Variants in SLC39A10 observed in about 807,000 individuals in gnomAD.
SLC39A10 encodes solute carrier family 39 member 10, also known as zinc transporter ZIP10.
SLC39A10 carries 13 observed loss-of-function variants against 65.1 expected under a neutral mutation model. That is an observed-to-expected ratio of 0.20 (90% CI 0.13 to 0.32). The LOEUF is 0.32. SLC39A10 is among the 10% of genes least tolerant of loss of function. The pLI is 1.00. For synonymous variants in SLC39A10, 321 were observed against 342.2 expected, an observed-to-expected ratio of 0.94 and a Z score of 0.68; for missense variants, 831 against 1,018.4, an observed-to-expected ratio of 0.82 and a Z score of 2.50.
chr2:195,638,842 C>T (rs535472246), intron 2 of SLC39A10, among the ~76,000 whole-genome samples: 209 of 152,056 alleles, frequency 1.4e-3, no homozygotes, highest in African/African-American at 4.5e-3. Context: ...GTCATTTTTC[C>T]ATCCTAGAAT....
intron 2 of SLC39A10, among the ~76,000 whole-genome samples, chr2:195,636,575 C>A (rs902555010): frequency 6.6e-6 from 1 of 151,688 alleles, no homozygotes; most frequent in Admixed American, 6.6e-5. Flanking sequence ...CACGGTGAAA[C>A]CCAGTCTCTA....
chr2:195,664,326 T>C (rs1689546404), intron 1 of SLC39A10, among the ~76,000 whole-genome samples: 1 of 152,070 alleles, frequency 6.6e-6, no homozygotes, highest in South Asian at 2.1e-4. Context: ...TGTTAGGGGT[T>C]TTAGTTTTTT....
At chr2:195,710,724 G>A (rs1691575826) in intron 5 of SLC39A10, among the ~76,000 whole-genome samples, 1 of 152,230 alleles carries the variant, frequency 6.6e-6, no homozygotes, top group African/African-American at 2.4e-5. Flanking sequence ...CTCCAAAGGA[G>A]AGGTGATTAA....
At chr2:195,726,274 TTA>T (rs1420904318) in intron 8 of SLC39A10, among the ~76,000 whole-genome samples, 4 of 152,174 alleles carry the variant, frequency 2.6e-5, no homozygotes, top group Non-Finnish European at 5.9e-5. Flanking sequence ...CATTATTAAA[TTA>T]TAAAAGGAAG....
chr2:195,705,523 C>T (rs1310051726), intron 3 of SLC39A10, among the ~76,000 whole-genome samples: 1 of 152,072 alleles, frequency 6.6e-6, no homozygotes, highest in African/African-American at 2.4e-5. Flanking sequence ...GTATCATCTC[C>T]CTATCTTTAC....
At chr2:195,733,861 C>G (rs1215381060) in intron 9 of SLC39A10, among the ~76,000 whole-genome samples, 1 of 152,030 alleles carries the variant, frequency 6.6e-6, no homozygotes, top group Non-Finnish European at 1.5e-5. Flanking sequence ...ACTGTGCCTT[C>G]AAAGATGTGA....
At chr2:195,641,459 G>T (rs1688810162) in intron 2 of SLC39A10, among the ~76,000 whole-genome samples, 1 of 151,992 alleles carries the variant, frequency 6.6e-6, no homozygotes, top group Admixed American at 6.6e-5. Flanking sequence ...AGTAAAATGA[G>T]TCAACAGAAA....
chr2:195,627,925 A>T (rs1688507250), intron 2 of SLC39A10, among the ~76,000 whole-genome samples: 1 of 152,216 alleles, frequency 6.6e-6, no homozygotes, highest in Non-Finnish European at 1.5e-5. Context: ...CTCTTTAAAG[A>T]GACATTAAAA....
At position 195,639,737 on chromosome 2, in the gene SLC39A10, C is replaced by T. The variant is rs117327403; in HGVS notation, c.-12+33504C>T. Reference sequence around the variant, plus strand: ...GATTACAGGCGAGTGCCACCACACCCGGCTAATTTTTGCATTTTTAATACA... The same window carrying T: ...GATTACAGGCGAGTGCCACCACACCTGGCTAATTTTTGCATTTTTAATACA... On this transcript the variant is annotated intron_variant, in intron 2 of 2. Coordinates refer to the SLC39A10 transcript ENST00000458054. Among the ~76,000 whole-genome samples, 2,858 of 152,196 alleles carry T rather than the reference C, an allele frequency of 0.019. 232 individuals carry two copies. In the East Asian group the frequency reaches 0.25, roughly 13 times the overall value.
intron 2 of SLC39A10, among the ~76,000 whole-genome samples, chr2:195,618,031 G>T (rs1039285187): frequency 1.4e-5 from 2 of 144,712 alleles, no homozygotes; most frequent in Non-Finnish European, 3.0e-5. Context: ...GAGCCACCTC[G>T]CCCGGCCTTG....
intron 6 of SLC39A10, among the ~76,000 whole-genome samples, chr2:195,714,608 CT>C (rs1177155691): frequency 6.6e-6 from 1 of 152,102 alleles, no homozygotes; most frequent in African/African-American, 2.4e-5. Flanking sequence ...GGAAAAATCC[CT>C]CTTGAAGGAT....
intron 2 of SLC39A10, among the ~76,000 whole-genome samples, chr2:195,625,222 A>AGAAAG (rs1553491764): frequency 2.7e-5 from 3 of 112,252 alleles, no homozygotes; most frequent in East Asian, 6.0e-4. Context: ...GTCTCAAAAA[A>AGAAAG]AAAGAAAGAA....
intron 1 of SLC39A10, among the ~76,000 whole-genome samples, chr2:195,673,508 A>G (rs1036392906): frequency 1.3e-5 from 2 of 152,204 alleles, no homozygotes; most frequent in East Asian, 1.9e-4. Context: ...ATTTGTATAA[A>G]TAGGCACTCT....
At chr2:195,659,775 AGT>A (rs1689310931) in intron 1 of SLC39A10, among the ~76,000 whole-genome samples, 1 of 152,156 alleles carries the variant, frequency 6.6e-6, no homozygotes, top group South Asian at 2.1e-4. Context: ...TGAAGATGAT[AGT>A]GAGTTGATTT....
intron 3 of SLC39A10, among the ~76,000 whole-genome samples, chr2:195,686,547 T>TCAAAA (rs750677687): frequency 6.6e-6 from 1 of 152,172 alleles, no homozygotes; most frequent in Non-Finnish European, 1.5e-5. Context: ...AGACTCCGTC[T>TCAAAA]CAAAACAAAA....
chr2:195,717,600 T>A (rs903529288), intron 7 of SLC39A10, among the ~76,000 whole-genome samples: 4 of 151,968 alleles, frequency 2.6e-5, no homozygotes, highest in Non-Finnish European at 5.9e-5. Flanking sequence ...TTTTTTTTTT[T>A]AAATAGAGAC....
intron 8 of SLC39A10, among the ~76,000 whole-genome samples, chr2:195,723,553 A>C (rs979250045): frequency 1.3e-5 from 2 of 152,120 alleles, no homozygotes; most frequent in African/African-American, 2.4e-5. Context: ...CCAGGGTTTC[A>C]CAAACTCCTG....
rs576762546 is a variant in SLC39A10 at position 195,676,377 on chromosome 2, A to G, written c.-11-3655A>G. Reference sequence around the variant, plus strand: ...GCCTATAAGCTTTTTTTTTTTTTATAGTGTCCTTTATTATAGAGTATTTTT... The same window carrying G: ...GCCTATAAGCTTTTTTTTTTTTTATGGTGTCCTTTATTATAGAGTATTTTT... On this transcript the variant is annotated intron_variant, in intron 1 of 9. Coordinates refer to ENST00000359634, the MANE Select transcript of SLC39A10 (RefSeq NM_020342.3). 4.0e-5 allele frequency among the ~76,000 whole-genome samples: 6 copies of G among 149,510 alleles called. No homozygotes were observed. The South Asian group carries it at 6.3e-4, about 16-fold the overall frequency.
intron 3 of SLC39A10, among the ~76,000 whole-genome samples, chr2:195,694,844 T>C (rs536598520): frequency 1.5e-4 from 23 of 152,266 alleles, no homozygotes; most frequent in Admixed American, 1.3e-4. Flanking sequence ...TTGCGGACTT[T>C]TCCTCAATTC....
Sources: gnomAD v4.1 joint callset for allele counts (sites outside exome capture counted in the v4.1 genomes callset) on GRCh38, gnomAD v4.1.1 for gene constraint, MANE v1.5 for transcripts, NCBI Gene and HGNC (gene_info 2026-07-23, HGNC 2026-07-21) for gene names.